The following ESRRG variants were observed in gnomAD, a reference collection of about 807,000 sequenced individuals.
The protein encoded by ESRRG is estrogen-related receptor gamma.
In ESRRG, 13 loss-of-function variants were observed where a neutral mutation model predicts 44.0. The ratio of observed to expected loss-of-function variants is 0.30; its 90% CI spans 0.19 to 0.47. The LOEUF (loss-of-function observed/expected upper bound fraction) is 0.47, where lower values mean the gene tolerates loss of function less well. Ranked by LOEUF, ESRRG falls within the 20% of genes least tolerant of loss-of-function variation. ESRRG has a pLI of 1.00. For missense variants in ESRRG, 395 were observed against 580.6 expected, an observed-to-expected ratio of 0.68 and a Z score of 3.29; for synonymous variants, 215 against 214.6, an observed-to-expected ratio of 1.00 and a Z score of -0.02.
chr1:217,095,869 G>A (rs563736516), intron 1 of ESRRG, among the ~76,000 whole-genome samples: 10 of 152,246 alleles, frequency 6.6e-5, no homozygotes, highest in African/African-American at 2.4e-4. Context: ...GCCAGCCTGG[G>A]CAACATTGCA....
At chr1:217,127,267 T>A (rs999917011) in intron 1 of ESRRG, among the ~76,000 whole-genome samples, 1 of 152,214 alleles carries the variant, frequency 6.6e-6, no homozygotes, top group Non-Finnish European at 1.5e-5. Context: ...TGCCTTTTGC[T>A]TATATGTTTT....
chr1:217,115,844 A>C (rs2092718844), intron 1 of ESRRG, among the ~76,000 whole-genome samples: 1 of 152,118 alleles, frequency 6.6e-6, no homozygotes, highest in Non-Finnish European at 1.5e-5. Flanking sequence ...CTTCACTAGA[A>C]CATAAGCCAC....
At chr1:217,136,609 C>A (rs1487793314) in intron 1 of ESRRG, among the ~76,000 whole-genome samples, 1 of 152,184 alleles carries the variant, frequency 6.6e-6, no homozygotes, top group Admixed American at 6.5e-5. Flanking sequence ...GCTGCACCCG[C>A]TCACATCTGC....
chr1:216,855,067 C>T (rs770140475), intron 2 of ESRRG: 1 of 152,170 alleles, frequency 6.6e-6, no homozygotes, highest in Non-Finnish European at 1.5e-5. Flanking sequence ...AGGCTTTAAG[C>T]TCTAGGGGTC....
At chr1:216,696,355 G>GT (rs1298475606) in intron 1 of ESRRG, among the ~76,000 whole-genome samples, 1 of 152,026 alleles carries the variant, frequency 6.6e-6, no homozygotes, top group Non-Finnish European at 1.5e-5. Flanking sequence ...GTAGACATAC[G>GT]TATGTTTAAC....
chr1:216,523,460 C>G (rs1156932829), intron 5 of ESRRG, among the ~76,000 whole-genome samples: 2 of 149,630 alleles, frequency 1.3e-5, no homozygotes, highest in Admixed American at 6.7e-5. Context: ...TGGAGGTTGA[C>G]AGTGGTGCCA....
intron 1 of ESRRG, among the ~76,000 whole-genome samples, chr1:217,073,871 T>G (rs1272998093): frequency 6.6e-6 from 1 of 151,972 alleles, no homozygotes; most frequent in Non-Finnish European, 1.5e-5. Context: ...GACCCTTAGA[T>G]TTCAAGAAGG....
intron 1 of ESRRG, among the ~76,000 whole-genome samples, chr1:217,100,182 A>G (rs952573862): frequency 2.0e-5 from 3 of 152,166 alleles, no homozygotes; most frequent in Non-Finnish European, 4.4e-5. Flanking sequence ...ACCTTCATAG[A>G]TGGTTTAGGA....
chr1:216,982,978 C>T (rs141860917), intron 1 of ESRRG, among the ~76,000 whole-genome samples: 2,509 of 150,252 alleles, frequency 0.017, 78 homozygotes, highest in Admixed American at 0.077. Context: ...AGCTCTGGTC[C>T]GGGAGTCAGA....
chr1:216,539,845 C>T (rs4846520), intron 5 of ESRRG, among the ~76,000 whole-genome samples: 60,352 of 151,638 alleles, frequency 0.4, 12,177 homozygotes, highest in Admixed American at 0.46. Flanking sequence ...AAAAAAAAAG[C>T]GAATTAAGTT....
intron 1 of ESRRG, among the ~76,000 whole-genome samples, chr1:217,034,184 C>T (rs981868730): frequency 2.0e-5 from 3 of 152,070 alleles, no homozygotes; most frequent in South Asian, 2.1e-4. Flanking sequence ...ATTTAATAGG[C>T]ATTTACTGAA....
intron 3 of ESRRG, among the ~76,000 whole-genome samples, chr1:216,626,794 C>T (rs1043438768): frequency 5.3e-5 from 8 of 152,192 alleles, no homozygotes; most frequent in African/African-American, 1.2e-4. Flanking sequence ...TGGCCTTGCC[C>T]GCTGCCTTAT....
At chr1:216,578,077 G>A (rs749222283) in intron 3 of ESRRG, among the ~76,000 whole-genome samples, 7 of 151,866 alleles carry the variant, frequency 4.6e-5, no homozygotes, top group Non-Finnish European at 8.8e-5. Flanking sequence ...TTATAACTTG[G>A]CAAAGTTGAA....
At chr1:216,928,002 C>T (rs1235227046) in intron 2 of ESRRG, among the ~76,000 whole-genome samples, 2 of 152,240 alleles carry the variant, frequency 1.3e-5, no homozygotes, top group South Asian at 2.1e-4. Flanking sequence ...TTTAGTAATT[C>T]TTTTCCAGTT....
chr1:216,749,518 T>C (rs908751013), intron 2 of ESRRG, among the ~76,000 whole-genome samples: 4 of 152,206 alleles, frequency 2.6e-5, no homozygotes, highest in Non-Finnish European at 4.4e-5. Flanking sequence ...CTAGATTCCC[T>C]GTGCTGTGGA....
At chr1:216,642,297 T>A (rs1216522108) in intron 3 of ESRRG, among the ~76,000 whole-genome samples, 1 of 152,064 alleles carries the variant, frequency 6.6e-6, no homozygotes, top group Non-Finnish European at 1.5e-5. Flanking sequence ...ACACAGCACA[T>A]AGCCTAAGGT....
intron 1 of ESRRG, chr1:217,000,433 C>CATGTGTCCAAATTGT (rs2076877959): frequency 6.6e-6 from 1 of 152,118 alleles, no homozygotes; most frequent in Non-Finnish European, 1.5e-5. Context: ...TCCCCTTGTC[C>CATGTGTCCAAATTGT]CTGTGTCCAA....
At chr1:216,715,737 A>G (rs906718107) in intron 1 of ESRRG, among the ~76,000 whole-genome samples, 1 of 152,140 alleles carries the variant, frequency 6.6e-6, no homozygotes, top group Non-Finnish European at 1.5e-5. Context: ...TCTTATAAAT[A>G]TTGTTACATA....
chr1:216,678,454 A>G (rs1205405052), intron 1 of ESRRG, among the ~76,000 whole-genome samples: 1 of 152,286 alleles, frequency 6.6e-6, no homozygotes, highest in Non-Finnish European at 1.5e-5. Flanking sequence ...TAAAAAATAT[A>G]TTTGTGATGG....
Sources: allele counts gnomAD v4.1 joint callset (sites outside exome capture counted in the v4.1 genomes callset), GRCh38; gene constraint gnomAD v4.1.1; transcripts MANE v1.5; gene names NCBI Gene and HGNC (gene_info 2026-07-23, HGNC 2026-07-21).